PRDX3: variants seen among roughly 807,000 people sequenced by gnomAD.
The protein encoded by PRDX3 is peroxiredoxin 3.
A neutral mutation model predicts 30.4 loss-of-function variants in PRDX3; 20 were observed. That is an observed-to-expected ratio of 0.66 (90% CI 0.46 to 0.96). PRDX3 has a LOEUF of 0.96. PRDX3 is among the 40% of genes least tolerant of loss of function. The pLI, the probability that PRDX3 is intolerant of heterozygous loss-of-function variation, is 0.00. For synonymous variants in PRDX3, 124 were observed against 117.8 expected (o/e 1.05, Z -0.34); for missense variants, 322 against 318.3 (o/e 1.01, Z -0.09).
chr10:119,174,696 G>A (rs1847986691), intron 2 of PRDX3, 104 bp from the exon 3 acceptor site: 2 of 1,163,318 alleles, frequency 1.7e-6, no homozygotes, highest in African/African-American at 1.6e-5. Flanking sequence ...AAAGTGCTTA[G>A]TATAAATCAA....
chr10:119,175,520 C>T (rs1382537984), intron 2 of PRDX3, among the ~76,000 whole-genome samples: 7 of 152,164 alleles, frequency 4.6e-5, no homozygotes, highest in South Asian at 2.1e-4. Flanking sequence ...CTCAGCCTCC[C>T]GAGTAGCTGG....
chr10:119,177,434 T>C (rs1048925377), intron 1 of PRDX3, among the ~76,000 whole-genome samples: 1 of 151,744 alleles, frequency 6.6e-6, no homozygotes, highest in African/African-American at 2.4e-5. Flanking sequence ...CCAAGACGGG[T>C]TGATCACCAG....
At chr10:119,177,229 T>C (rs1848056135) in intron 1 of PRDX3, 76 bp from the exon 2 acceptor site, 3 of 1,480,960 alleles carry the variant, frequency 2.0e-6, no homozygotes, top group Middle Eastern at 2.4e-4. Flanking sequence ...GTGCCAACGG[T>C]GGTTTCAGCT....
chr10:119,169,867 A>G (rs1847864994), intron 5 of PRDX3: 1 of 152,672 alleles, frequency 6.5e-6, no homozygotes, highest in Non-Finnish European at 1.5e-5. Context: ...AACCATGCCC[A>G]TCACTTTTAA....
Position 119,168,234 on chromosome 10 carries a change from T to C in PRDX3, c.*246A>G. The C allele has an allele frequency of 1.6e-6, 1 of 630,630 alleles. No homozygotes were observed. 39.1% of individuals were successfully genotyped at this position (630,630 alleles called of 1,614,324 possible). On this transcript the variant is annotated 3_prime_UTR_variant, in exon 7 of 7. Transcript: ENST00000298510. ...AATAGCCTTCTATAGAGGCAAATTATGTTCTGTAGAAACTAGCTAGCCAGC... is the reference window on the plus strand; with the variant it reads ...AATAGCCTTCTATAGAGGCAAATTACGTTCTGTAGAAACTAGCTAGCCAGC...
chr10:119,169,911 T>C (rs1847865881), intron 5 of PRDX3: 1 of 152,558 alleles, frequency 6.6e-6, no homozygotes, highest in Non-Finnish European at 1.5e-5. Context: ...TGAACCACGC[T>C]ACCACAGTGG....
chr10:119,169,570 T>A (rs760875377), intron 5 of PRDX3: 27 of 423,914 alleles, frequency 6.4e-5, no homozygotes, highest in Non-Finnish European at 7.3e-5. Flanking sequence ...AAACATGCAG[T>A]ATGGTCACAC....
intron 5 of PRDX3, among the ~76,000 whole-genome samples, chr10:119,172,035 T>C (rs1006557618): frequency 1.3e-5 from 2 of 152,246 alleles, no homozygotes; most frequent in African/African-American, 4.8e-5. Context: ...GGAGGGGACA[T>C]GCATGTCTCA....
At position 119,177,037 on chromosome 10, in the gene PRDX3, T is replaced by C; in HGVS notation, c.153A>G (p.Ala51=). 1 of 1,614,144 alleles carries C rather than the reference T, an allele frequency of 6.2e-7. No individual in the cohort carries two copies. The highest frequency in any genetic ancestry group is 8.5e-7 in the Non-Finnish European group (1 of 1,179,966). ...AACACTTACTGGTGCTGAATAATTTTGCTTGACTGGAACCAGAACACAATA... is the reference window on the plus strand; with the variant it reads ...AACACTTACTGGTGCTGAATAATTTCGCTTGACTGGAACCAGAACACAATA... The part of the protein sequence containing the change: ...TNLLCSGSSQ[A]KLFSTSSSCH... Residue 51 remains alanine (A), a synonymous_variant, in exon 2 of 7, where the codon GCA becomes GCG. Coordinates refer to ENST00000298510, the MANE Select transcript of PRDX3 (RefSeq NM_006793.5).
chr10:119,168,228 A>C lies in PRDX3; in HGVS notation c.*252T>G, dbSNP rs775187590. 8.3e-6 allele frequency: 5 copies of C among 601,422 alleles called. No homozygotes were observed. Among genetic ancestry groups the C allele is most frequent in the Non-Finnish European group, 1.1e-5 (4 of 379,934 alleles). 37.3% of individuals were successfully genotyped at this position (601,422 alleles called of 1,614,324 possible). ...TCTAAGAATAGCCTTCTATAGAGGCAAATTATGTTCTGTAGAAACTAGCTA... is the reference window on the plus strand; with the variant it reads ...TCTAAGAATAGCCTTCTATAGAGGCCAATTATGTTCTGTAGAAACTAGCTA... On this transcript the variant is annotated 3_prime_UTR_variant, in exon 7 of 7. Coordinates refer to ENST00000298510, the MANE Select transcript of PRDX3 (RefSeq NM_006793.5).
intron 1 of PRDX3, among the ~76,000 whole-genome samples, chr10:119,178,492 C>T (rs1226119437): frequency 6.6e-6 from 1 of 152,222 alleles, no homozygotes; most frequent in Non-Finnish European, 1.5e-5. Context: ...GGGCCAGGAC[C>T]TTAAGTGGAG....
rs771619256 is a variant in PRDX3 at position 119,169,275 on chromosome 10, G to C, written c.619C>G (p.Arg207Gly). Residue 207 changes from arginine to glycine, a missense_variant, in exon 6 of 7, where the codon CGA (arginine) becomes GGA (glycine). Transcript: ENST00000298510. The part of the protein sequence containing the change: ...HLSVNDLPVG[R>G]SVEETLRLVK... ...AAGCGGAGGGTTTCTTCCACGCTTC[G>C]GCCCACTGGGAGATCGTTGACGCTC... The C allele has an allele frequency of 1.9e-6, 3 of 1,613,912 alleles. No homozygotes were observed. The highest frequency in any genetic ancestry group is 1.1e-5 in the South Asian group (1 of 91,074).
chr10:119,168,536 G>T lies in PRDX3; in HGVS notation c.718-3C>A. The T allele has an allele frequency of 6.2e-7, 1 of 1,613,514 alleles. No individual in the cohort carries two copies. Among genetic ancestry groups the T allele is most frequent in the African/African-American group, 1.3e-5 (1 of 75,032 alleles). ...GAAGCAGCTGGACTTGGCTTGATCT[G>T]AAAATACAAAAGCTTAATTAGGTAA... On this transcript the variant is annotated splice_polypyrimidine_tract_variant and splice_region_variant and intron_variant, in intron 6 of 6. Coordinates refer to ENST00000298510, the MANE Select transcript of PRDX3 (RefSeq NM_006793.5).
intron 5 of PRDX3, 91 bp from the exon 6 acceptor site, chr10:119,169,433 T>C: frequency 1.9e-6 from 2 of 1,080,252 alleles, no homozygotes; most frequent in Non-Finnish European, 2.6e-6. Context: ...ATTCTCCTTT[T>C]AATAAAATAT....
chr10:119,177,144 G>T lies in PRDX3; in HGVS notation c.46C>A (p.His16Asn). The T allele has an allele frequency of 6.2e-7, 1 of 1,613,182 alleles. No homozygotes were observed. Among genetic ancestry groups the T allele is most frequent in the Non-Finnish European group, 8.5e-7 (1 of 1,179,856 alleles). The part of the protein sequence containing the change: ...GRLLRASVAR[H>N]VSAIPWGISA... ...ATGCCCCAAGGAATGGCACTCACAT[G>T]TCGGGCAACCTGGAAAGAGAAACTT... is the stretch of plus-strand genomic sequence containing the variant. Residue 16 changes from histidine to asparagine, a missense_variant, in exon 2 of 7, where the codon CAT (histidine) becomes AAT (asparagine). By Grantham distance (68) the His-to-Asn change is moderately conservative. Coordinates refer to ENST00000298510, the MANE Select transcript of PRDX3 (RefSeq NM_006793.5).
intron 5 of PRDX3, 39 bp from the exon 6 acceptor site, chr10:119,169,381 C>T (rs34176975): frequency 4.0e-4 from 627 of 1,569,050 alleles, no homozygotes; most frequent in Non-Finnish European, 5.2e-4. Flanking sequence ...CTCAACAGTA[C>T]CAGAACTAGA....
intron 4 of PRDX3, among the ~76,000 whole-genome samples, chr10:119,172,980 C>T (rs1023200093): frequency 2.6e-5 from 4 of 151,838 alleles, no homozygotes; most frequent in Non-Finnish European, 5.9e-5. Flanking sequence ...GCTCTGTCGC[C>T]CAGGCTGGAG....
chr10:119,170,389 G>A (rs1236366723), intron 5 of PRDX3: 1 of 152,116 alleles, frequency 6.6e-6, no homozygotes, highest in African/African-American at 2.4e-5. Context: ...AGGGCCCATA[G>A]ACTCCCAAAA....
chr10:119,176,889 C>T (rs908052792), intron 2 of PRDX3, 132 bp downstream of exon 2: 12 of 1,066,764 alleles, frequency 1.1e-5, no homozygotes, highest in African/African-American at 1.6e-5. Flanking sequence ...TGGGGTGGGA[C>T]GGGGGCAGTG....
Sources: allele counts gnomAD v4.1 joint callset (sites outside exome capture counted in the v4.1 genomes callset), GRCh38; gene constraint gnomAD v4.1.1; transcripts MANE v1.5; gene names NCBI Gene and HGNC (gene_info 2026-07-23, HGNC 2026-07-21).